The following PRKCSH variants were observed in gnomAD, a reference collection of about 807,000 sequenced individuals.
The protein encoded by PRKCSH is glucosidase 2 subunit beta.
PRKCSH carries 42 observed loss-of-function variants against 79.7 expected under a neutral mutation model. The ratio of observed to expected loss-of-function variants is 0.53; its 90% CI spans 0.41 to 0.68. PRKCSH has a LOEUF of 0.68. Ranked by LOEUF, PRKCSH falls within the 30% of genes least tolerant of loss-of-function variation. The pLI is 0.00. For missense variants in PRKCSH, 686 were observed against 709.0 expected, an observed-to-expected ratio of 0.97 and a Z score of 0.37; for synonymous variants, 325 against 288.2, an observed-to-expected ratio of 1.13 and a Z score of -1.29.
At chr19:11,439,475 G>A (rs1348328526) in intron 5 of PRKCSH, among the ~76,000 whole-genome samples, 2 of 151,112 alleles carry the variant, frequency 1.3e-5, no homozygotes, top group African/African-American at 4.9e-5. Context: ...AAAATTACTG[G>A]TTGGGCATGT....
chr19:11,448,358 G>A lies in PRKCSH; in HGVS notation c.1196+67G>A. The A allele has an allele frequency of 1.3e-6, 2 of 1,540,160 alleles. No homozygotes were observed. The highest frequency in any genetic ancestry group is 1.8e-6 in the Non-Finnish European group (2 of 1,135,270). ...CTGCTCCTTGACTCCCAGGGGAGCT[G>A]GTGATGGGGAATCACTGAGGCAACC... On this transcript the variant is annotated intron_variant, in intron 13 of 17. Coordinates refer to ENST00000677123, the MANE Select transcript of PRKCSH (RefSeq NM_001289104.2). The surrounding 1 kb of genome is among the most constrained non-coding windows in gnomAD (Gnocchi z 4.4).
In PRKCSH at chr19:11,436,347, A is replaced by C. The variant is rs773478178; in HGVS notation, c.80-42A>C. On this transcript the variant is annotated intron_variant, in intron 2 of 17. Coordinates refer to ENST00000677123, the MANE Select transcript of PRKCSH (RefSeq NM_001289104.2). The stretch of plus-strand genomic sequence containing the variant: ...GGACAGAGGTGGTATTTGGTGGAGA[A>C]GGCGCTTACCTGCCCTGGGCTGAGC... The C allele has an allele frequency of 1.0e-4, 162 of 1,595,768 alleles. 1 individual carries two copies. In the East Asian group the frequency reaches 3.5e-3, roughly 34 times the overall value.
intron 6 of PRKCSH, 25 bp from the exon 7 acceptor site, chr19:11,442,361 G>C: frequency 6.4e-7 from 1 of 1,569,906 alleles, no homozygotes; most frequent in Non-Finnish European, 8.6e-7. Flanking sequence ...GAGGAGAGCT[G>C]GTCTCTTGCC....
Position 11,448,531 on chromosome 19 carries a change from C to T in PRKCSH, c.1197-9C>T. On this transcript the variant is annotated splice_polypyrimidine_tract_variant and intron_variant, in intron 13 of 17. Transcript: ENST00000677123. This position sits in a 1 kb window ranked among gnomAD's most constrained non-coding sequence, Gnocchi z 4.4. ...AGCTGCCCCTTAACCGCTCCGCCTC[C>T]CCTTCCAGGAACCTGGAGCAAGAGA... is the stretch of plus-strand genomic sequence containing the variant. The T allele has an allele frequency of 6.2e-7, 1 of 1,613,456 alleles. No individual in the cohort carries two copies. The highest frequency in any genetic ancestry group is 8.5e-7 in the Non-Finnish European group (1 of 1,179,314).
chr19:11,440,881 T>C (rs1376279847), intron 5 of PRKCSH, among the ~76,000 whole-genome samples: 2 of 152,194 alleles, frequency 1.3e-5, no homozygotes, highest in Admixed American at 1.3e-4. Flanking sequence ...CCCAGGCTGG[T>C]TGCGAACTCC....
chr19:11,437,552 C>T (rs553527671), intron 3 of PRKCSH, among the ~76,000 whole-genome samples: 2 of 150,204 alleles, frequency 1.3e-5, no homozygotes, highest in Admixed American at 1.3e-4. Context: ...GGAGTTTCAT[C>T]GTGTTGGCCA....
chr19:11,442,473 C>G lies in PRKCSH; in HGVS notation c.556C>G (p.Pro186Ala). The change falls in exon 7 of 18, where the codon CCA (proline) becomes GCA (alanine). Residue 186 changes from proline (P) to alanine (A), a missense_variant. Around this residue, in one of 2 missense-constraint regions of PRKCSH, gnomAD observed 549 missense variants for 520.2 expected, o/e 1.06. Coordinates refer to ENST00000677123, the MANE Select transcript of PRKCSH (RefSeq NM_001289104.2). ...GACAGTGAAGGAGGAAGCTGAGAAG[C>G]CAGAGAGAGAGGCCAAAGAGCAGCA... Reference protein sequence around the residue: ...LRTVKEEAEKPEREAKEQHQK... With the variant: ...LRTVKEEAEKAEREAKEQHQK... 1 of 1,612,044 alleles carries G rather than the reference C, an allele frequency of 6.2e-7. No homozygotes were observed. Among genetic ancestry groups the G allele is most frequent in the South Asian group, 1.1e-5 (1 of 90,818 alleles).
chr19:11,446,889 C>G (rs532401174), intron 9 of PRKCSH, among the ~76,000 whole-genome samples, 185 bp from the exon 10 acceptor site: 33 of 152,278 alleles, frequency 2.2e-4, no homozygotes, highest in African/African-American at 7.9e-4. Context: ...TGGTCTCCTC[C>G]TCCCCTCCCA....
At chr19:11,436,267 C>T (rs1174631614) in intron 2 of PRKCSH, 71 bp downstream of exon 2, 1 of 1,590,434 alleles carries the variant, frequency 6.3e-7, no homozygotes, top group African/African-American at 1.3e-5. Flanking sequence ...TAGGGATAGG[C>T]ATTTACAGCC....
rs751041363 is a variant in PRKCSH at position 11,436,477 on chromosome 19, C to T, written c.168C>T (p.Cys56=). 10 of 1,613,974 alleles carry T rather than the reference C, an allele frequency of 6.2e-6. No individual in the cohort carries two copies. The highest frequency in any genetic ancestry group is 8.5e-6 in the Non-Finnish European group (10 of 1,179,912). ...TTGATCAGGTCAACGATGACTATTG[C>T]GACTGCAAAGATGGCTCTGACGAGC... is the stretch of plus-strand genomic sequence containing the variant. The part of the protein sequence containing the change: ...IPFDQVNDDY[C]DCKDGSDEPG... The change falls in exon 3 of 18, where the codon TGC becomes TGT. Residue 56 remains cysteine, a synonymous_variant. Coordinates refer to ENST00000677123, the MANE Select transcript of PRKCSH (RefSeq NM_001289104.2).
chr19:11,435,687 G>T lies in PRKCSH; in HGVS notation c.-97G>T. The T allele has an allele frequency of 1.5e-6, 2 of 1,308,978 alleles. No homozygotes were observed. Among genetic ancestry groups the T allele is most frequent in the Non-Finnish European group, 1.0e-6 (1 of 1,002,558 alleles). The allele number at this position is 1,308,978 out of a possible 1,614,324, so 81.1% of individuals were successfully genotyped here. The stretch of plus-strand genomic sequence containing the variant: ...GGACAAGAGGGGTGCGGTGGATACT[G>T]ACCTTTGCTCCGGCCTCGTGTAGGT... On this transcript the variant is annotated 5_prime_UTR_variant, in exon 1 of 18. Transcript: ENST00000677123.
chr19:11,438,525 G>T (rs975420793), intron 5 of PRKCSH, among the ~76,000 whole-genome samples: 2 of 152,064 alleles, frequency 1.3e-5, no homozygotes, highest in African/African-American at 2.4e-5. Flanking sequence ...GGGAGGCTGA[G>T]GCAGGCGGAT....
In PRKCSH at chr19:11,447,534, G is replaced by T; in HGVS notation, c.945G>T (p.Glu315Asp). 6.9e-7 allele frequency: 1 copy of T among 1,441,560 alleles called. No homozygotes were observed. Among genetic ancestry groups the T allele is most frequent in the Non-Finnish European group, 9.6e-7 (1 of 1,046,524 alleles). 89.3% of individuals were successfully genotyped at this position (1,441,560 alleles called of 1,614,324 possible). A position where few individuals can be genotyped will look rare whatever the true frequency, so the allele number is the denominator to read the frequency against. ...PPVPSSPTEE[E>D]EEEEEEEEEE... is the part of the protein sequence containing the mutation. ...TGCCCTCGTCGCCCACAGAGGAGGAGGAGGAGGAGGAGGAGGAGGAGGAAG... is the reference window on the plus strand; with the variant it reads ...TGCCCTCGTCGCCCACAGAGGAGGATGAGGAGGAGGAGGAGGAGGAGGAAG... The change falls in exon 11 of 18, where the codon GAG becomes GAT. Residue 315 changes from glutamate to aspartate, a missense_variant. This residue lies in a region of PRKCSH where 549 missense variants were observed against 520.2 expected (regional missense o/e 1.06). Transcript: ENST00000677123. The surrounding 1 kb of genome is among the most constrained non-coding windows in gnomAD (Gnocchi z 5.6).
chr19:11,448,728 C>A lies in PRKCSH; in HGVS notation c.1286+99C>A. 7.3e-7 allele frequency: 1 copy of A among 1,370,290 alleles called. No individual in the cohort carries two copies. Among genetic ancestry groups the A allele is most frequent in the Non-Finnish European group, 1.0e-6 (1 of 963,250 alleles). The allele number at this position is 1,370,290 out of a possible 1,614,324, so 84.9% of individuals were successfully genotyped here. Reference sequence around the variant, plus strand: ...TTCCTGATGGTTGGGGAACCATCTGCGGGTGGGGCCCGAGAGTGCTGCCTT... The same window carrying A: ...TTCCTGATGGTTGGGGAACCATCTGAGGGTGGGGCCCGAGAGTGCTGCCTT... On this transcript the variant is annotated intron_variant, in intron 14 of 17. Transcript: ENST00000677123. This position sits in a 1 kb window ranked among gnomAD's most constrained non-coding sequence, Gnocchi z 4.4.
At chr19:11,444,718 C>T (rs898605110) in intron 7 of PRKCSH, among the ~76,000 whole-genome samples, 7 of 152,098 alleles carry the variant, frequency 4.6e-5, no homozygotes, top group Admixed American at 1.3e-4. Context: ...GGGACAGAGG[C>T]TCGGTCCCCT....
chr19:11,446,900 C>T lies in PRKCSH; in HGVS notation c.763-174C>T, dbSNP rs750730519. Among the ~76,000 whole-genome samples the T allele has an allele frequency of 7.0e-4, 107 of 152,300 alleles. No homozygotes were observed. Among genetic ancestry groups the T allele is most frequent in the African/African-American group, 2.2e-3 (90 of 41,574 alleles). ...CCCCTGGTCTCCTCCTCCCCTCCCA[C>T]GGGCCTGTGCTGCCCCCTCCTGGCC... On this transcript the variant is annotated intron_variant, in intron 9 of 17. Transcript: ENST00000677123.
rs1474656289 is a variant in PRKCSH at position 11,448,101 on chromosome 19, G to T, written c.1127-121G>T. On this transcript the variant is annotated intron_variant, in intron 12 of 17. Transcript: ENST00000677123. The surrounding 1 kb of genome is among the most constrained non-coding windows in gnomAD (Gnocchi z 4.4). The stretch of plus-strand genomic sequence containing the variant: ...TGGTGAGGCCCTCAAGGCTGTCGGG[G>T]TGAAGTCCTTGGCCAGAGCAAAATG... 5.4e-6 allele frequency: 6 copies of T among 1,103,644 alleles called. No homozygotes were observed. Among genetic ancestry groups the T allele is most frequent in the Non-Finnish European group, 8.1e-6 (6 of 741,258 alleles). The allele number at this position is 1,103,644 out of a possible 1,614,324, so 68.4% of individuals were successfully genotyped here. A position where few individuals can be genotyped will look rare whatever the true frequency, so the allele number is the denominator to read the frequency against.
At chr19:11,435,928 C>T (rs745634430) in intron 1 of PRKCSH, 113 bp from the exon 2 acceptor site, 1 of 940,662 alleles carries the variant, frequency 1.1e-6, no homozygotes. Context: ...ATCGCTGCCC[C>T]TCGCCCCCAT....
rs1158845310 is a variant in PRKCSH at position 11,448,089 on chromosome 19, A to G, written c.1127-133A>G. 1 of 1,023,262 alleles carries G rather than the reference A, an allele frequency of 9.8e-7. No homozygotes were observed. The highest frequency in any genetic ancestry group is 1.4e-5 in the South Asian group (1 of 71,778). 63.4% of individuals were successfully genotyped at this position (1,023,262 alleles called of 1,614,324 possible). ...CTGCTCTATAGCTGGTGAGGCCCTC[A>G]AGGCTGTCGGGGTGAAGTCCTTGGC... is the stretch of plus-strand genomic sequence containing the variant. On this transcript the variant is annotated intron_variant, in intron 12 of 17. Transcript: ENST00000677123. This position sits in a 1 kb window ranked among gnomAD's most constrained non-coding sequence, Gnocchi z 4.4.
Sources: gnomAD v4.1 joint callset for allele counts (sites outside exome capture counted in the v4.1 genomes callset) on GRCh38, gnomAD v4.1.1 for gene constraint, gnomAD v4.1.1 regional missense constraint, Gnocchi (gnomAD v3.1) non-coding constraint, MANE v1.5 for transcripts, NCBI Gene and HGNC (gene_info 2026-07-23, HGNC 2026-07-21) for gene names.